STON2: variants seen among roughly 807,000 people sequenced by gnomAD.
STON2 encodes the protein stonin-2.
STON2 carries 29 observed loss-of-function variants against 65.7 expected under a neutral mutation model. The observed-to-expected ratio is 0.44, with a 90% confidence interval of 0.33 to 0.60. STON2 has a LOEUF of 0.60. STON2 is among the 20% of genes least tolerant of loss of function. The probability of loss-of-function intolerance (pLI) is 0.03; values close to 1 mark genes in which losing one functional copy is unlikely to be tolerated. For synonymous variants in STON2, 404 were observed against 414.2 expected (o/e 0.98, Z 0.30); for missense variants, 1,054 against 1,118.1 (o/e 0.94, Z 0.82).
In STON2 at chr14:81,264,141, T is replaced by C. The variant is rs1894269237; in HGVS notation, c.*4273A>G. The stretch of plus-strand genomic sequence containing the variant: ...GCAGGAACAAAGCAATCAATCACCG[T>C]GACTATGGACAGCATCTATGCTACT... On this transcript the variant is annotated 3_prime_UTR_variant, in exon 8 of 8. Coordinates refer to ENST00000614646, the MANE Select transcript of STON2 (RefSeq NM_001394390.1). 2.4e-5 allele frequency: 24 copies of C among 985,394 alleles called. No homozygotes were observed. The highest frequency in any genetic ancestry group is 2.9e-5 in the Non-Finnish European group (24 of 829,914). The allele number at this position is 985,394 out of a possible 1,614,324, so 61.0% of individuals were successfully genotyped here. A position where few individuals can be genotyped will look rare whatever the true frequency, so the allele number is the denominator to read the frequency against.
rs1158629136 is a variant in STON2, at chr14:81,267,844, G to A, written c.*570C>T. On this transcript the variant is annotated 3_prime_UTR_variant, in exon 8 of 8. Transcript: ENST00000614646. The stretch of plus-strand genomic sequence containing the variant: ...TCCAATCTAAACGATCTAGAGCCAG[G>A]AGGGAAATGTCTTGAAAGCTTAACA... The A allele has an allele frequency of 4.1e-6, 4 of 985,350 alleles. No homozygotes were observed. The highest frequency in any genetic ancestry group is 1.7e-5 in the African/African-American group (1 of 57,226). The allele number at this position is 985,350 out of a possible 1,614,324, so 61.0% of individuals were successfully genotyped here. A position where few individuals can be genotyped will look rare whatever the true frequency, so the allele number is the denominator to read the frequency against.
intron 4 of STON2, among the ~76,000 whole-genome samples, chr14:81,329,263 C>G (rs750759914): frequency 2.0e-5 from 3 of 152,050 alleles, no homozygotes; most frequent in African/African-American, 4.8e-5. Flanking sequence ...ACCATCCTGG[C>G]TGACACAGTG....
intron 4 of STON2, among the ~76,000 whole-genome samples, chr14:81,340,250 T>G (rs528835358): frequency 1.8e-4 from 27 of 152,196 alleles, no homozygotes; most frequent in Middle Eastern, 3.4e-3. Context: ...AAATGCAAAC[T>G]AATTTCTAGC....
intron 5 of STON2, among the ~76,000 whole-genome samples, chr14:81,293,408 G>A (rs572515678): frequency 1.3e-4 from 20 of 152,166 alleles, no homozygotes; most frequent in Admixed American, 1.2e-3. Flanking sequence ...TCTTGACCTT[G>A]TGATCTACCT....
Position 81,278,256 on chromosome 14 carries a change from C to T in STON2, c.1226G>A (p.Gly409Asp). The T allele has an allele frequency of 1.2e-6, 2 of 1,614,116 alleles. No homozygotes were observed. The highest frequency in any genetic ancestry group is 1.7e-6 in the Non-Finnish European group (2 of 1,180,018). The part of the protein sequence containing the change: ...SQNSSISSTT[G>D]KSQRDSLIVI... ...AATGAGGGAATCTCTTTGGCTTTTG[C>T]CCGTGGTACTGGAAATGGAACTGTT... The change falls in exon 6 of 8, where the codon GGC becomes GAC. Residue 409 changes from glycine (G) to aspartate (D), a missense_variant. Transcript: ENST00000614646.
rs1373622532 is a variant in STON2 at position 81,398,430 on chromosome 14, CCAGAATA to C, written c.-55_-49del. The C allele has an allele frequency of 1.3e-6, 2 of 1,489,024 alleles. No homozygotes were observed. The highest frequency in any genetic ancestry group is 3.4e-5 in the Admixed American group (2 of 59,674). The allele number at this position is 1,489,024 out of a possible 1,614,324, so 92.2% of individuals were successfully genotyped here. On this transcript the variant is annotated 5_prime_UTR_variant, in exon 2 of 8. Coordinates refer to ENST00000614646, the MANE Select transcript of STON2 (RefSeq NM_001394390.1). ...TCACACTGCTGACCTCAGGTGAACC[CCAGAATA>C]CTGTCTGGGGTGGGCTGGAGTAGGG...
At chr14:81,420,245 G>A (rs1250004007) in intron 2 of STON2, among the ~76,000 whole-genome samples, 1 of 152,204 alleles carries the variant, frequency 6.6e-6, no homozygotes, top group Admixed American at 6.5e-5. Context: ...TTTGAGATGT[G>A]CCTAAGAGAT....
At chr14:81,333,113 C>T (rs955533354) in intron 4 of STON2, 29 of 1,128,862 alleles carry the variant, frequency 2.6e-5, no homozygotes, top group Admixed American at 6.9e-5. Context: ...TATTTCTTTG[C>T]ATAATCCAAG....
In STON2 at chr14:81,263,276, T is replaced by C; in HGVS notation, c.*5138A>G. 1 of 513,740 alleles carries C rather than the reference T, an allele frequency of 1.9e-6. No homozygotes were observed. Among genetic ancestry groups the C allele is most frequent in the Non-Finnish European group, 2.5e-6 (1 of 399,250 alleles). The allele number at this position is 513,740 out of a possible 1,614,324, so 31.8% of individuals were successfully genotyped here. ...TATTTTGGCCAGGCGCGGCGGCTCA[T>C]GCCTGTTATCCTAGCACTCTGGGAG... On this transcript the variant is annotated 3_prime_UTR_variant, in exon 8 of 8. Coordinates refer to ENST00000614646, the MANE Select transcript of STON2 (RefSeq NM_001394390.1).
chr14:81,345,195 A>G (rs1390798490), intron 4 of STON2, among the ~76,000 whole-genome samples: 3 of 152,244 alleles, frequency 2.0e-5, no homozygotes, highest in Non-Finnish European at 4.4e-5. Flanking sequence ...GTAGTTACAT[A>G]GTATTATGGG....
intron 3 of STON2, among the ~76,000 whole-genome samples, chr14:81,393,301 G>A (rs1330340394): frequency 2.0e-5 from 3 of 152,184 alleles, no homozygotes; most frequent in Admixed American, 6.5e-5. Context: ...TGAAGGCACG[G>A]CCATTTTAGG....
chr14:81,384,773 G>A (rs1899712805), intron 3 of STON2, among the ~76,000 whole-genome samples: 1 of 152,102 alleles, frequency 6.6e-6, no homozygotes, highest in Non-Finnish European at 1.5e-5. Flanking sequence ...TCGGGATCCT[G>A]GGTAGATTAA....
intron 4 of STON2, among the ~76,000 whole-genome samples, chr14:81,353,119 CA>C (rs1012665350): frequency 7.9e-5 from 12 of 151,436 alleles, no homozygotes; most frequent in Non-Finnish European, 1.6e-4. Context: ...TGAATTAATT[CA>C]AAAAAAATTT....
Position 81,264,986 on chromosome 14 carries a change from A to G in STON2, c.*3428T>C. ...AGCTCTTGATACCACGTGATATCTA[A>G]TTTATGTTCTAAGAGTAATACTATG... On this transcript the variant is annotated 3_prime_UTR_variant, in exon 8 of 8. Transcript: ENST00000614646. The G allele has an allele frequency of 1.0e-6, 1 of 984,054 alleles. No homozygotes were observed. Among genetic ancestry groups the G allele is most frequent in the Non-Finnish European group, 1.2e-6 (1 of 828,806 alleles). 61.0% of individuals were successfully genotyped at this position (984,054 alleles called of 1,614,324 possible). A position where few individuals can be genotyped will look rare whatever the true frequency, so the allele number is the denominator to read the frequency against.
intron 3 of STON2, among the ~76,000 whole-genome samples, chr14:81,375,381 T>A (rs1899204506): frequency 6.6e-6 from 1 of 151,938 alleles, no homozygotes. Flanking sequence ...AGTAAAGGGA[T>A]GGGAAAGCCA....
chr14:81,303,814 C>T (rs762833768), intron 5 of STON2, among the ~76,000 whole-genome samples: 9 of 152,312 alleles, frequency 5.9e-5, no homozygotes, highest in South Asian at 2.1e-4. Flanking sequence ...AACCAGGTTT[C>T]GAAACCAATG....
At position 81,266,238 on chromosome 14, in the gene STON2, AG is replaced by A. The variant is rs1566877307; in HGVS notation, c.*2175del. ...GTTATTTTAACTGTTGGGCATTCAC[AG>A]GAACAGGAAATCTTACTAACTTGAG... On this transcript the variant is annotated 3_prime_UTR_variant, in exon 8 of 8. Transcript: ENST00000614646. 3 of 323,316 alleles carry A rather than the reference AG, an allele frequency of 9.3e-6. No homozygotes were observed. Among genetic ancestry groups the A allele is most frequent in the South Asian group, 1.2e-4 (1 of 8,124 alleles). 20.0% of individuals were successfully genotyped at this position (323,316 alleles called of 1,614,324 possible). A position where few individuals can be genotyped will look rare whatever the true frequency, so the allele number is the denominator to read the frequency against.
intron 3 of STON2, among the ~76,000 whole-genome samples, chr14:81,387,058 A>C (rs1412354570): frequency 6.6e-6 from 1 of 152,206 alleles, no homozygotes; most frequent in Non-Finnish European, 1.5e-5. Flanking sequence ...CTATTGGCTA[A>C]AGGACTCAAC....
At position 81,420,806 on chromosome 14, in the gene STON2, A is replaced by G. The variant is rs571762325; in HGVS notation, c.-199+6296T>C. 9.8e-4 allele frequency among the ~76,000 whole-genome samples: 149 copies of G among 152,350 alleles called. 1 individual carries two copies. Among genetic ancestry groups the G allele is most frequent in the African/African-American group, 3.5e-3 (146 of 41,578 alleles). ...TCAATAAGAGGGTACCATTGCACTC[A>G]GCCATGCTTAACCACTCACGTTAAC... On this transcript the variant is annotated intron_variant, in intron 2 of 8. Coordinates refer to the STON2 transcript ENST00000553821.
Sources: allele counts gnomAD v4.1 joint callset (sites outside exome capture counted in the v4.1 genomes callset), GRCh38; gene constraint gnomAD v4.1.1; transcripts MANE v1.5; gene names NCBI Gene and HGNC (gene_info 2026-07-23, HGNC 2026-07-21).